Variants in HDAC9 observed in about 807,000 individuals in gnomAD.
HDAC9 encodes the protein MEF-2 interacting transcription repressor (MITR) protein.
A neutral mutation model predicts 139.4 loss-of-function variants in HDAC9; 41 were observed. That is an observed-to-expected ratio of 0.29 (90% confidence interval 0.23 to 0.38). The LOEUF is 0.38. Ranked by LOEUF, HDAC9 falls within the 10% of genes least tolerant of loss-of-function variation. The pLI is 1.00. For missense variants in HDAC9, 1,147 were observed against 1,297.0 expected (o/e 0.88, Z 1.78); for synonymous variants, 517 against 476.2 (o/e 1.09, Z -1.12).
At chr7:18,567,911 A>G (rs1438130825) in intron 2 of HDAC9, among the ~76,000 whole-genome samples, 1 of 151,690 alleles carries the variant, frequency 6.6e-6, no homozygotes, top group Admixed American at 6.6e-5. Context: ...TAAATGTCAA[A>G]TAAGCAGAAT....
intron 2 of HDAC9, among the ~76,000 whole-genome samples, chr7:18,279,520 C>T (rs1292823095): frequency 6.6e-6 from 1 of 151,648 alleles, no homozygotes; most frequent in Admixed American, 6.6e-5. Context: ...CTGGAGTGCG[C>T]AGTGGCGTGA....
chr7:18,149,764 C>T (rs1260585995), intron 1 of HDAC9, among the ~76,000 whole-genome samples: 1 of 152,030 alleles, frequency 6.6e-6, no homozygotes. Context: ...CTGTGTTAGC[C>T]AGGATGGTCT....
chr7:18,179,388 C>T (rs748265278), intron 2 of HDAC9, among the ~76,000 whole-genome samples: 1 of 152,110 alleles, frequency 6.6e-6, no homozygotes, highest in Non-Finnish European at 1.5e-5. Flanking sequence ...AAGCTGAGGT[C>T]CTAAGGGAGG....
chr7:18,907,864 C>A (rs1427966754), intron 22 of HDAC9, among the ~76,000 whole-genome samples: 1 of 152,086 alleles, frequency 6.6e-6, no homozygotes, highest in Non-Finnish European at 1.5e-5. Flanking sequence ...AGCCACTCCC[C>A]TAGAATTGGA....
At position 18,300,725 on chromosome 7, in the gene HDAC9, C is replaced by A. The variant is rs112661429; in HGVS notation, c.-42+10210C>A. On this transcript the variant is annotated intron_variant, in intron 1 of 3. Coordinates refer to the HDAC9 transcript ENST00000413509. Reference sequence around the variant, plus strand: ...CACACACCATTCCACATAAACAGACCGGTTATATTAAAACTAGCAAAGCCG... The same window carrying A: ...CACACACCATTCCACATAAACAGACAGGTTATATTAAAACTAGCAAAGCCG... Among the ~76,000 whole-genome samples, 274 of 151,862 alleles carry A rather than the reference C, an allele frequency of 1.8e-3. 1 individual carries two copies. Among genetic ancestry groups the A allele is most frequent in the African/African-American group, 6.3e-3 (262 of 41,424 alleles).
At chr7:18,313,692 A>T (rs1014684921) in intron 1 of HDAC9, among the ~76,000 whole-genome samples, 1 of 152,162 alleles carries the variant, frequency 6.6e-6, no homozygotes, top group African/African-American at 2.4e-5. Context: ...TTAAAATGCT[A>T]CTCTTGAATA....
At chr7:18,220,587 G>A (rs966616996) in intron 2 of HDAC9, among the ~76,000 whole-genome samples, 2 of 152,170 alleles carry the variant, frequency 1.3e-5, no homozygotes, top group African/African-American at 4.8e-5. Context: ...CCTACACAGA[G>A]ACAGATAACC....
chr7:18,366,747 A>G (rs1166109929), intron 1 of HDAC9, among the ~76,000 whole-genome samples: 3 of 152,124 alleles, frequency 2.0e-5, no homozygotes, highest in Admixed American at 6.6e-5. Context: ...CTTGGTTTCT[A>G]AAAGAAATCC....
intron 1 of HDAC9, among the ~76,000 whole-genome samples, chr7:18,452,370 T>C (rs1378662193): frequency 1.3e-5 from 2 of 152,046 alleles, no homozygotes; most frequent in Admixed American, 6.6e-5. Flanking sequence ...AGCAGAAATA[T>C]CAGAAGTGAG....
At chr7:18,747,468 G>T (rs1039034129) in intron 13 of HDAC9, among the ~76,000 whole-genome samples, 3 of 152,194 alleles carry the variant, frequency 2.0e-5, no homozygotes, top group Admixed American at 1.3e-4. Flanking sequence ...GGACATTAAG[G>T]TTTCTCGTAT....
At chr7:18,706,160 C>CTTTTTTTTTT (rs1165670432) in intron 12 of HDAC9, among the ~76,000 whole-genome samples, 39 of 86,768 alleles carry the variant, frequency 4.5e-4, no homozygotes, top group East Asian at 1.1e-3. Flanking sequence ...GAAAGTTTTC[C>CTTTTTTTTTT]TTTTTTTTTT....
chr7:18,478,076 C>CT (rs1188149874), intron 1 of HDAC9, among the ~76,000 whole-genome samples: 1,926 of 145,000 alleles, frequency 0.013, 31 homozygotes, highest in African/African-American at 0.042. Context: ...ACAAAAAAAA[C>CT]TTTTTTTTTT....
chr7:18,909,796 T>G (rs936740257), intron 22 of HDAC9, among the ~76,000 whole-genome samples: 1 of 152,038 alleles, frequency 6.6e-6, no homozygotes, highest in Non-Finnish European at 1.5e-5. Flanking sequence ...GGGTCCTCTC[T>G]TCTATTCCAC....
intron 22 of HDAC9, among the ~76,000 whole-genome samples, chr7:18,930,401 G>A (rs1348279749): frequency 6.6e-6 from 1 of 151,986 alleles, no homozygotes; most frequent in South Asian, 2.1e-4. Context: ...ATGATTACAT[G>A]AAACTTGCAA....
chr7:18,871,566 A>C (rs1333221596), intron 21 of HDAC9, among the ~76,000 whole-genome samples: 1 of 152,198 alleles, frequency 6.6e-6, no homozygotes, highest in African/African-American at 2.4e-5. Context: ...GGATATTGGA[A>C]AAGATGAGAG....
At chr7:18,682,612 A>G (rs1212447756) in intron 12 of HDAC9, among the ~76,000 whole-genome samples, 1 of 152,014 alleles carries the variant, frequency 6.6e-6, no homozygotes, top group African/African-American at 2.4e-5. Flanking sequence ...CCTTTTTTTT[A>G]TAAAGGTCTT....
At chr7:18,608,656 G>C (rs1470876249) in intron 6 of HDAC9, among the ~76,000 whole-genome samples, 2 of 151,998 alleles carry the variant, frequency 1.3e-5, no homozygotes, top group South Asian at 4.1e-4. Flanking sequence ...TTTTTATCCT[G>C]TTCATCCCAA....
At chr7:18,897,104 C>T (rs1321407660) in intron 22 of HDAC9, among the ~76,000 whole-genome samples, 23 of 151,708 alleles carry the variant, frequency 1.5e-4, no homozygotes, top group Non-Finnish European at 1.5e-5. Context: ...CCTTGAATTT[C>T]CTGAATATAA....
chr7:18,595,528 A>G (rs540786356), intron 6 of HDAC9, among the ~76,000 whole-genome samples: 7 of 152,172 alleles, frequency 4.6e-5, no homozygotes, highest in African/African-American at 1.7e-4. Context: ...GGAGCTATTT[A>G]CTGAGATTAT....
Sources: allele counts gnomAD v4.1 joint callset (sites outside exome capture counted in the v4.1 genomes callset), GRCh38; gene constraint gnomAD v4.1.1; transcripts MANE v1.5; gene names NCBI Gene and HGNC (gene_info 2026-07-23, HGNC 2026-07-21).